The following ZNF516 variants were observed in gnomAD, a reference collection of about 807,000 sequenced individuals.
ZNF516 encodes zinc finger protein 516.
Under a neutral mutation model 79.7 loss-of-function variants are expected in ZNF516, and 19 were observed. That is an observed-to-expected ratio of 0.24 (90% CI 0.17 to 0.35). ZNF516 has a LOEUF of 0.35. Among genes scored for constraint, ZNF516 ranks in the 10% least tolerant of loss-of-function variants. The probability of loss-of-function intolerance (pLI) is 1.00; values close to 1 mark genes in which losing one functional copy is unlikely to be tolerated. For missense variants in ZNF516, 1,678 were observed against 1,679.5 expected, an observed-to-expected ratio of 1.00 and a Z score of 0.02; for synonymous variants, 877 against 739.5, an observed-to-expected ratio of 1.19 and a Z score of -3.02.
At chr18:76,428,296 G>A (rs2075620176) in intron 3 of ZNF516, among the ~76,000 whole-genome samples, 1 of 151,614 alleles carries the variant, frequency 6.6e-6, no homozygotes, top group East Asian at 1.9e-4. Flanking sequence ...GGGAGGCTGA[G>A]GCAGGAGAAT....
At chr18:76,383,777 G>A (rs1194095077) in intron 3 of ZNF516, among the ~76,000 whole-genome samples, 1 of 152,258 alleles carries the variant, frequency 6.6e-6, no homozygotes, top group Non-Finnish European at 1.5e-5. Context: ...GGTGTACAGA[G>A]AGGCGCAGGC....
chr18:76,442,264 T>C lies in ZNF516; in HGVS notation c.791A>G (p.Lys264Arg). The C allele has an allele frequency of 1.2e-6, 2 of 1,613,598 alleles. No homozygotes were observed. The highest frequency in any genetic ancestry group is 1.7e-6 in the Non-Finnish European group (2 of 1,179,824). Reference protein sequence around the residue: ...GQAFSQTWFLKAHMKKHRGSF... With the variant: ...GQAFSQTWFLRAHMKKHRGSF... ...GCCCCGGTGCTTCTTCATGTGCGCCTTCAGGAACCAGGTCTGGCTGAAGGC... is the reference window on the plus strand; with the variant it reads ...GCCCCGGTGCTTCTTCATGTGCGCCCTCAGGAACCAGGTCTGGCTGAAGGC... Residue 264 changes from lysine (K) to arginine (R), a missense_variant, in exon 3 of 7, where the codon AAG (lysine) becomes AGG (arginine). This residue lies in a region of ZNF516 where 279 missense variants were observed against 254.1 expected (regional missense o/e 1.10). Coordinates refer to ENST00000443185, the MANE Select transcript of ZNF516 (RefSeq NM_014643.4).
chr18:76,496,340 C>T, upstream of ZNF516: 2 of 1,289,694 alleles, frequency 1.6e-6, no homozygotes, highest in Non-Finnish European at 2.0e-6. Flanking sequence ...TGGATTCCGT[C>T]CAAGACGCCC....
Position 76,360,649 on chromosome 18 carries a change from A to G in ZNF516, c.*1849T>C, listed in dbSNP as rs1430958598. On this transcript the variant is annotated 3_prime_UTR_variant, in exon 7 of 7. Transcript: ENST00000443185. ...AAAATAAGTAAAAAAAAAAAAAAAT[A>G]TATATATATATATATATATATATAT... The G allele has an allele frequency of 1.1e-5, 1 of 94,436 alleles. No individual in the cohort carries two copies. The highest frequency in any genetic ancestry group is 2.2e-5 in the Non-Finnish European group (1 of 45,738). 5.8% of individuals were successfully genotyped at this position (94,436 alleles called of 1,614,324 possible). A position where few individuals can be genotyped will look rare whatever the true frequency, so the allele number is the denominator to read the frequency against.
At chr18:76,477,550 G>C in intron 1 of ZNF516, among the ~76,000 whole-genome samples, 1 of 152,150 alleles carries the variant, frequency 6.6e-6, no homozygotes, top group South Asian at 2.1e-4. Flanking sequence ...GAAAAACAAG[G>C]TCAGGTTTTT....
At chr18:76,375,485 CA>C (rs2074771919) in intron 4 of ZNF516, among the ~76,000 whole-genome samples, 1 of 143,368 alleles carries the variant, frequency 7.0e-6, no homozygotes, top group African/African-American at 2.6e-5. Flanking sequence ...AGAGGATGGA[CA>C]GGGAAAGCCC....
chr18:76,441,678 C>T lies in ZNF516; in HGVS notation c.1377G>A (p.Val459=). ...FDKDRREYVL[V]SQEKRKREQD... ...GCTCACGCTTGCGCTTCTCCTGGCT[C>T]ACCAGGACGTACTCGCGCCTGTCCT... is the stretch of plus-strand genomic sequence containing the variant. The change falls in exon 3 of 7, where the codon GTG becomes GTA. Residue 459 remains valine (V), a synonymous_variant. Coordinates refer to ENST00000443185, the MANE Select transcript of ZNF516 (RefSeq NM_014643.4). The T allele has an allele frequency of 1.3e-6, 2 of 1,556,926 alleles. No homozygotes were observed. Among genetic ancestry groups the T allele is most frequent in the South Asian group, 2.4e-5 (2 of 84,940 alleles).
Position 76,371,551 on chromosome 18 carries a change from G to A in ZNF516, c.3280C>T (p.Arg1094Trp), listed in dbSNP as rs760354402. The change falls in exon 5 of 7, where the codon CGG (arginine) becomes TGG (tryptophan). Residue 1094 changes from arginine (R) to tryptophan (W), a missense_variant. Arg to Trp is a moderately radical substitution (Grantham distance 101, BLOSUM62 -3). This residue lies in a region of ZNF516 where 1,294 missense variants were observed against 1,248.3 expected (regional missense o/e 1.04). Coordinates refer to ENST00000443185, the MANE Select transcript of ZNF516 (RefSeq NM_014643.4). ...EHRGTLRTQA[R>W]PGEFVCIECG... ...TCGATGCAGACGAACTCTCCTGGCC[G>A]GGCCTGCGTCCGGAGTGTCCCTGCG... 1.1e-5 allele frequency: 18 copies of A among 1,610,334 alleles called. No homozygotes were observed. Among genetic ancestry groups the A allele is most frequent in the South Asian group, 7.7e-5 (7 of 90,978 alleles).
At chr18:76,428,202 A>G (rs557214943) in intron 3 of ZNF516, among the ~76,000 whole-genome samples, 2 of 152,164 alleles carry the variant, frequency 1.3e-5, no homozygotes, top group Admixed American at 1.3e-4. Flanking sequence ...CCTGGTCAAC[A>G]CAGTGAAACC....
At chr18:76,428,994 G>A (rs753982961) in intron 3 of ZNF516, among the ~76,000 whole-genome samples, 9 of 152,254 alleles carry the variant, frequency 5.9e-5, no homozygotes, top group South Asian at 2.1e-4. Flanking sequence ...GGAGGAGGGC[G>A]AGCGGGCAGG....
At chr18:76,384,058 C>A (rs2074938467) in intron 3 of ZNF516, among the ~76,000 whole-genome samples, 1 of 152,204 alleles carries the variant, frequency 6.6e-6, no homozygotes, top group Non-Finnish European at 1.5e-5. Context: ...ACCACGACAC[C>A]CATCCACTGT....
chr18:76,465,219 A>G (rs1008442522), intron 1 of ZNF516, among the ~76,000 whole-genome samples: 2 of 152,236 alleles, frequency 1.3e-5, no homozygotes, highest in African/African-American at 4.8e-5. Flanking sequence ...TCGACAGGCC[A>G]CAGGGGTTGA....
At chr18:76,407,784 C>G (rs1203630661) in intron 3 of ZNF516, among the ~76,000 whole-genome samples, 1 of 152,242 alleles carries the variant, frequency 6.6e-6, no homozygotes, top group Non-Finnish European at 1.5e-5. Flanking sequence ...CACCCAGACA[C>G]CCCTCATGGG....
chr18:76,379,867 C>T lies in ZNF516; in HGVS notation c.2247G>A (p.Thr749=), dbSNP rs373241338. 20 of 1,613,686 alleles carry T rather than the reference C, an allele frequency of 1.2e-5. No homozygotes were observed. Among genetic ancestry groups the T allele is most frequent in the South Asian group, 2.2e-5 (2 of 91,076 alleles). The change falls in exon 4 of 7, where the codon ACG becomes ACA. Residue 749 remains threonine (T), a synonymous_variant. Transcript: ENST00000443185. ...STRDDPSNKE[T]ASSLQAALVV... ...CTAAAGCCGCCTGCAGGGAGGAGGC[C>T]GTCTCCTTATTGCTGGGGTCATCCC...
chr18:76,379,105 G>A lies in ZNF516; in HGVS notation c.3009C>T (p.Pro1003=), dbSNP rs753414923. The part of the protein sequence containing the change: ...GAPPLPPREP[P]SKAAQELRTL... ...TCCTCAGCTCCTGGGCTGCCTTCGA[G>A]GGGGGCTCGCGGGGAGGTAGAGGAG... is the stretch of plus-strand genomic sequence containing the variant. The change falls in exon 4 of 7, where the codon CCC becomes CCT. Residue 1003 remains proline (P), a synonymous_variant. Coordinates refer to ENST00000443185, the MANE Select transcript of ZNF516 (RefSeq NM_014643.4). 6.2e-7 allele frequency: 1 copy of A among 1,611,604 alleles called. No individual in the cohort carries two copies.
chr18:76,408,473 G>C (rs902248118), intron 3 of ZNF516, among the ~76,000 whole-genome samples: 1 of 152,202 alleles, frequency 6.6e-6, no homozygotes, highest in Non-Finnish European at 1.5e-5. Context: ...CATGGCTCTG[G>C]TATAGCTCGG....
Position 76,380,071 on chromosome 18 carries a change from C to T in ZNF516, c.2043G>A (p.Lys681=). The part of the protein sequence containing the change: ...MDLKMPAFHP[K]QEVPVPGDGV... ...CATCACCAGGGACGGGCACCTCCTG[C>T]TTGGGGTGAAATGCTGGCATCTTTA... Residue 681 remains lysine (K), a synonymous_variant, in exon 4 of 7, where the codon AAG becomes AAA. Transcript: ENST00000443185. 6.2e-7 allele frequency: 1 copy of T among 1,613,914 alleles called. No homozygotes were observed. Among genetic ancestry groups the T allele is most frequent in the African/African-American group, 1.3e-5 (1 of 75,020 alleles).
chr18:76,468,822 A>G (rs768790540), intron 1 of ZNF516, among the ~76,000 whole-genome samples: 8 of 152,174 alleles, frequency 5.3e-5, no homozygotes, highest in Non-Finnish European at 1.0e-4. Context: ...ACTTGAGAAG[A>G]GTAACTTAAA....
rs778659680 is a variant in ZNF516, at chr18:76,380,033, G to A, written c.2081C>T (p.Pro694Leu). The change falls in exon 4 of 7, where the codon CCT becomes CTT. Residue 694 changes from proline (P) to leucine (L), a missense_variant. Pro to Leu is a moderately conservative substitution (Grantham distance 98). Around this residue, in one of 5 missense-constraint regions of ZNF516, gnomAD observed 1,294 missense variants for 1,248.3 expected, o/e 1.04. Coordinates refer to ENST00000443185, the MANE Select transcript of ZNF516 (RefSeq NM_014643.4). Reference sequence around the variant, plus strand: ...CTGGCCCTCCGCTCCCGTACTGGAAGGGAACTCCACACCATCACCAGGGAC... The same window carrying A: ...CTGGCCCTCCGCTCCCGTACTGGAAAGGAACTCCACACCATCACCAGGGAC... ...VPVPGDGVEF[P>L]SSTGAEGQTG... 7 of 1,613,964 alleles carry A rather than the reference G, an allele frequency of 4.3e-6. No homozygotes were observed. The South Asian group carries it at 7.7e-5, about 18-fold the overall frequency.
Sources: allele counts gnomAD v4.1 joint callset (sites outside exome capture counted in the v4.1 genomes callset), GRCh38; gene constraint gnomAD v4.1.1; regional missense constraint gnomAD v4.1.1; transcripts MANE v1.5; gene names NCBI Gene and HGNC (gene_info 2026-07-23, HGNC 2026-07-21).